The following TAGLN variants were observed in gnomAD, a reference collection of about 807,000 sequenced individuals.
The protein encoded by TAGLN is transgelin, also known as 22 kDa actin-binding protein.
Under a neutral mutation model 21.9 loss-of-function variants are expected in TAGLN, and 16 were observed. The ratio of observed to expected loss-of-function variants is 0.73; its 90% CI spans 0.49 to 1.11. TAGLN has a LOEUF of 1.11. Ranked by LOEUF, TAGLN falls within the 50% of genes least tolerant of loss-of-function variation. The probability of loss-of-function intolerance (pLI) is 0.00; values close to 1 mark genes in which losing one functional copy is unlikely to be tolerated. For synonymous variants in TAGLN, 96 were observed against 94.9 expected, an observed-to-expected ratio of 1.01 and a Z score of -0.06; for missense variants, 248 against 263.2, an observed-to-expected ratio of 0.94 and a Z score of 0.40.
chr11:117,203,585 C>T lies in TAGLN; in HGVS notation c.358+101C>T. 1 of 1,404,654 alleles carries T rather than the reference C, an allele frequency of 7.1e-7. No individual in the cohort carries two copies. The highest frequency in any genetic ancestry group is 9.8e-7 in the Non-Finnish European group (1 of 1,020,474). 87.0% of individuals were successfully genotyped at this position (1,404,654 alleles called of 1,614,324 possible). A position where few individuals can be genotyped will look rare whatever the true frequency, so the allele number is the denominator to read the frequency against. Reference sequence around the variant, plus strand: ...TATGCCACAACTAGGGGTGTGCTTGCCCGCACACAGCAGGGATGGGATATG... The same window carrying T: ...TATGCCACAACTAGGGGTGTGCTTGTCCGCACACAGCAGGGATGGGATATG... On this transcript the variant is annotated intron_variant, in intron 3 of 4. Transcript: ENST00000392951. The surrounding 1 kb of genome is among the most constrained non-coding windows in gnomAD (Gnocchi z 4.4).
chr11:117,204,076 CTA>C, intron 4 of TAGLN, 137 bp from the exon 5 acceptor site: 2 of 1,338,074 alleles, frequency 1.5e-6, no homozygotes, highest in Non-Finnish European at 2.1e-6. Flanking sequence ...TCTCCCTAGC[CTA>C]TGAGGCAAGC....
At position 117,203,746 on chromosome 11, in the gene TAGLN, C is replaced by A; in HGVS notation, c.359-36C>A. The A allele has an allele frequency of 1.3e-6, 2 of 1,592,512 alleles. No homozygotes were observed. The highest frequency in any genetic ancestry group is 1.7e-6 in the Non-Finnish European group (2 of 1,161,274). ...TGGCTTGGAGTCTTGTTTATACGTT[C>A]TTGATGTTCATCTCCTCTCTCCTGT... On this transcript the variant is annotated intron_variant, in intron 3 of 4. Coordinates refer to ENST00000392951, the MANE Select transcript of TAGLN (RefSeq NM_003186.5). The surrounding 1 kb of genome is among the most constrained non-coding windows in gnomAD (Gnocchi z 4.4).
intron 4 of TAGLN, 141 bp from the exon 5 acceptor site, chr11:117,204,074 G>T: frequency 7.6e-7 from 1 of 1,316,328 alleles, no homozygotes; most frequent in Non-Finnish European, 1.1e-6. Flanking sequence ...AGTCTCCCTA[G>T]CCTATGAGGC....
rs2031368524 is a variant in TAGLN at position 117,206,211 on chromosome 11, T to C, written c.*1852T>C. On this transcript the variant is annotated 3_prime_UTR_variant, in exon 5 of 5. Coordinates refer to ENST00000392951, the MANE Select transcript of TAGLN (RefSeq NM_003186.5). ...CACTGATTCTAGCTCTGTCCCTTCC[T>C]CCTTGGCTTTCCGGCTCCGATGGGG... 6.2e-7 allele frequency: 1 copy of C among 1,614,000 alleles called. No individual in the cohort carries two copies. The highest frequency in any genetic ancestry group is 1.3e-5 in the African/African-American group (1 of 74,906).
In TAGLN at chr11:117,203,509, G is replaced by GAGGCGGGC. The variant is rs1435901431; in HGVS notation, c.358+28_358+29insCGGGCAGG. 2 of 1,610,462 alleles carry GAGGCGGGC rather than the reference G, an allele frequency of 1.2e-6. No individual in the cohort carries two copies. The highest frequency in any genetic ancestry group is 2.7e-5 in the African/African-American group (2 of 74,956). ...GGTAGAGAGGAAGAGGCTGGGGGAG[G>GAGGCGGGC]AGGTGGGCAGGAGGACAGGGTGCTG... is the stretch of plus-strand genomic sequence containing the variant. On this transcript the variant is annotated intron_variant, in intron 3 of 4. Transcript: ENST00000392951. This position sits in a 1 kb window ranked among gnomAD's most constrained non-coding sequence, Gnocchi z 4.4.
chr11:117,203,997 G>C lies in TAGLN; in HGVS notation c.461+113G>C. On this transcript the variant is annotated intron_variant, in intron 4 of 4. Transcript: ENST00000392951. The surrounding 1 kb of genome is among the most constrained non-coding windows in gnomAD (Gnocchi z 4.4). Reference sequence around the variant, plus strand: ...GATAGCCAAGAAAGGATAAAGTGAGGGTCTGGGATGGGGAATAATGGGTCC... The same window carrying C: ...GATAGCCAAGAAAGGATAAAGTGAGCGTCTGGGATGGGGAATAATGGGTCC... 9.0e-7 allele frequency: 1 copy of C among 1,109,836 alleles called. No individual in the cohort carries two copies. The allele number at this position is 1,109,836 out of a possible 1,614,324, so 68.7% of individuals were successfully genotyped here.
Position 117,203,663 on chromosome 11 carries a change from T to C in TAGLN, c.359-119T>C. On this transcript the variant is annotated intron_variant, in intron 3 of 4. Coordinates refer to ENST00000392951, the MANE Select transcript of TAGLN (RefSeq NM_003186.5). This position sits in a 1 kb window ranked among gnomAD's most constrained non-coding sequence, Gnocchi z 4.4. The stretch of plus-strand genomic sequence containing the variant: ...GCCCACTGAGAGGCCTCCCTTGAAT[T>C]GGGGACAACTCTTGGCCCTGGTTTG... 7.9e-7 allele frequency: 1 copy of C among 1,272,036 alleles called. No homozygotes were observed. The highest frequency in any genetic ancestry group is 2.4e-5 in the East Asian group (1 of 41,590). The allele number at this position is 1,272,036 out of a possible 1,614,324, so 78.8% of individuals were successfully genotyped here. A position where few individuals can be genotyped will look rare whatever the true frequency, so the allele number is the denominator to read the frequency against.
rs372293216 is a variant in TAGLN at position 117,204,242 on chromosome 11, C to T, written c.489C>T (p.Phe163=). The change falls in exon 5 of 5, where the codon TTC becomes TTT. Residue 163 remains phenylalanine, a synonymous_variant. Transcript: ENST00000392951. ...AAGCGCAGGAGCATAAGAGGGAATT[C>T]ACAGAGAGCCAGCTGCAGGAGGGAA... ...MKKAQEHKRE[F]TESQLQEGKH... is the part of the protein sequence containing the mutation. 75 of 1,614,124 alleles carry T rather than the reference C, an allele frequency of 4.6e-5. No homozygotes were observed. The highest frequency in any genetic ancestry group is 6.3e-5 in the Non-Finnish European group (74 of 1,180,056).
rs1193643429 is a variant in TAGLN at position 117,203,822 on chromosome 11, G to A, written c.399G>A (p.Leu133=). 1 of 1,614,020 alleles carries A rather than the reference G, an allele frequency of 6.2e-7. No individual in the cohort carries two copies. The highest frequency in any genetic ancestry group is 1.3e-5 in the African/African-American group (1 of 75,018). The change falls in exon 4 of 5, where the codon TTG becomes TTA. Residue 133 remains leucine (L), a synonymous_variant. Coordinates refer to ENST00000392951, the MANE Select transcript of TAGLN (RefSeq NM_003186.5). The surrounding 1 kb of genome is among the most constrained non-coding windows in gnomAD (Gnocchi z 4.4). ...CAGTGCAGAGGACCCTGATGGCTTTGGGCAGCTTGGCAGTGACCAAGAATG... is the reference window on the plus strand; with the variant it reads ...CAGTGCAGAGGACCCTGATGGCTTTAGGCAGCTTGGCAGTGACCAAGAATG... ...MAAVQRTLMA[L]GSLAVTKNDG...
Position 117,203,986 on chromosome 11 carries a change from G to A in TAGLN, c.461+102G>A. 8.4e-7 allele frequency: 1 copy of A among 1,186,984 alleles called. No homozygotes were observed. The highest frequency in any genetic ancestry group is 1.2e-6 in the Non-Finnish European group (1 of 812,842). The allele number at this position is 1,186,984 out of a possible 1,614,324, so 73.5% of individuals were successfully genotyped here. ...TAGGGGAAGCAGATAGCCAAGAAAG[G>A]ATAAAGTGAGGGTCTGGGATGGGGA... On this transcript the variant is annotated intron_variant, in intron 4 of 4. Transcript: ENST00000392951. The surrounding 1 kb of genome is among the most constrained non-coding windows in gnomAD (Gnocchi z 4.4).
Position 117,203,621 on chromosome 11 carries a change from C to T in TAGLN, c.358+137C>T. ...CAGGGATGGGATATGCCGAGAATAA[C>T]ACGCCACGCTCACAGGGCCCACTGA... On this transcript the variant is annotated intron_variant, in intron 3 of 4. Transcript: ENST00000392951. The surrounding 1 kb of genome is among the most constrained non-coding windows in gnomAD (Gnocchi z 4.4). The T allele has an allele frequency of 5.6e-6, 7 of 1,259,716 alleles. No individual in the cohort carries two copies. The highest frequency in any genetic ancestry group is 7.8e-6 in the Non-Finnish European group (7 of 902,300). The allele number at this position is 1,259,716 out of a possible 1,614,324, so 78.0% of individuals were successfully genotyped here. A position where few individuals can be genotyped will look rare whatever the true frequency, so the allele number is the denominator to read the frequency against.
intron 1 of TAGLN, chr11:117,202,076 C>G (rs1343339591): frequency 8.5e-5 from 13 of 152,290 alleles, no homozygotes; most frequent in Admixed American, 8.5e-4. Flanking sequence ...CTCAGGGTGG[C>G]AGTTGCTGGA....
intron 1 of TAGLN, among the ~76,000 whole-genome samples, chr11:117,200,873 G>A (rs936533622): frequency 1.4e-4 from 21 of 152,148 alleles, no homozygotes; most frequent in African/African-American, 5.1e-4. Flanking sequence ...TGCAGAAGGG[G>A]AAGGCAGACA....
chr11:117,203,472 G>A lies in TAGLN; in HGVS notation c.346G>A (p.Asp116Asn). ...VIKTDMFQTV[D>N]LFEGKDMAAV... is the part of the protein sequence containing the mutation. ...CAAGACTGACATGTTCCAGACTGTT[G>A]ACCTCTTTGAAGGTAGAGAGGAAGA... The change falls in exon 3 of 5, where the codon GAC becomes AAC. Residue 116 changes from aspartate to asparagine, a missense_variant. By Grantham distance (23) the Asp-to-Asn change is conservative (BLOSUM62 1). Coordinates refer to ENST00000392951, the MANE Select transcript of TAGLN (RefSeq NM_003186.5). This position sits in a 1 kb window ranked among gnomAD's most constrained non-coding sequence, Gnocchi z 4.4. 6.2e-7 allele frequency: 1 copy of A among 1,614,042 alleles called. No homozygotes were observed. Among genetic ancestry groups the A allele is most frequent in the Non-Finnish European group, 8.5e-7 (1 of 1,179,922 alleles).
chr11:117,200,036 C>T (rs1422288143), intron 1 of TAGLN, among the ~76,000 whole-genome samples: 28 of 151,788 alleles, frequency 1.8e-4, no homozygotes, highest in Non-Finnish European at 4.1e-4. Context: ...GTCACCCCCA[C>T]TGTAGCAGAG....
In TAGLN at chr11:117,207,026, C is replaced by T. The variant is rs1214710477; in HGVS notation, c.*2667C>T. 1.3e-6 allele frequency: 2 copies of T among 1,535,692 alleles called. No individual in the cohort carries two copies. The highest frequency in any genetic ancestry group is 1.8e-6 in the Non-Finnish European group (2 of 1,112,662). On this transcript the variant is annotated 3_prime_UTR_variant, in exon 5 of 5. Coordinates refer to ENST00000392951, the MANE Select transcript of TAGLN (RefSeq NM_003186.5). The stretch of plus-strand genomic sequence containing the variant: ...ATGGGCTCCCTAGGCGGCCCTTCCC[C>T]TGTGACTGGCCTTCCCTCTGACACA...
chr11:117,204,557 G>GCAT lies in TAGLN; in HGVS notation c.*201_*203dup. On this transcript the variant is annotated 3_prime_UTR_variant, in exon 5 of 5. Transcript: ENST00000392951. ...CCTCAGCCCAACTTCTTACCCGAAA[G>GCAT]CATCACTGCCTTGGCCCCTCCCTCC... 1.2e-6 allele frequency: 1 copy of GCAT among 804,188 alleles called. No homozygotes were observed. The highest frequency in any genetic ancestry group is 2.1e-6 in the Non-Finnish European group (1 of 485,174). 49.8% of individuals were successfully genotyped at this position (804,188 alleles called of 1,614,324 possible).
chr11:117,204,235 G>A lies in TAGLN; in HGVS notation c.482G>A (p.Arg161Lys), dbSNP rs771356829. 10 of 1,614,254 alleles carry A rather than the reference G, an allele frequency of 6.2e-6. No individual in the cohort carries two copies. In the South Asian group the frequency reaches 8.8e-5, roughly 14 times the overall value. ...TCTAGGAAAGCGCAGGAGCATAAGA[G>A]GGAATTCACAGAGAGCCAGCTGCAG... is the stretch of plus-strand genomic sequence containing the variant. ...WFMKKAQEHKREFTESQLQEG... is the reference protein window; with the variant it reads ...WFMKKAQEHKKEFTESQLQEG... Residue 161 changes from arginine (R) to lysine (K), a missense_variant, in exon 5 of 5, where the codon AGG becomes AAG. Physicochemically the swap from Arg to Lys is conservative, Grantham distance 26. Coordinates refer to ENST00000392951, the MANE Select transcript of TAGLN (RefSeq NM_003186.5).
chr11:117,203,690 C>T lies in TAGLN; in HGVS notation c.359-92C>T, dbSNP rs1283853481. ...GGGACAACTCTTGGCCCTGGTTTGG[C>T]CATTTTTTTGTGAGAGACGGGGGCA... is the stretch of plus-strand genomic sequence containing the variant. On this transcript the variant is annotated intron_variant, in intron 3 of 4. Transcript: ENST00000392951. This position sits in a 1 kb window ranked among gnomAD's most constrained non-coding sequence, Gnocchi z 4.4. The T allele has an allele frequency of 2.8e-6, 4 of 1,431,058 alleles. No individual in the cohort carries two copies. In the East Asian group the frequency reaches 9.2e-5, roughly 33 times the overall value. 88.6% of individuals were successfully genotyped at this position (1,431,058 alleles called of 1,614,324 possible).
Sources: allele counts gnomAD v4.1 joint callset (sites outside exome capture counted in the v4.1 genomes callset), GRCh38; gene constraint gnomAD v4.1.1; non-coding constraint Gnocchi (gnomAD v3.1); transcripts MANE v1.5; gene names NCBI Gene and HGNC (gene_info 2026-07-23, HGNC 2026-07-21).